CNPY2: variants seen among roughly 807,000 people sequenced by gnomAD.
CNPY2 encodes canopy FGF signaling regulator 2, also known as protein canopy homolog 2.
In CNPY2, 19 loss-of-function variants were observed where a neutral mutation model predicts 25.5. That is an observed-to-expected ratio of 0.74 (90% CI 0.52 to 1.09). The LOEUF is 1.09. CNPY2 is among the 50% of genes least tolerant of loss of function. CNPY2 has a pLI of 0.00. For synonymous variants in CNPY2, 82 were observed against 85.0 expected, an observed-to-expected ratio of 0.96 and a Z score of 0.19; for missense variants, 214 against 233.6, an observed-to-expected ratio of 0.92 and a Z score of 0.55.
At chr12:56,314,823 CTTTG>C (rs1489606295) in intron 3 of CNPY2, 24 bp downstream of exon 3, 7 of 1,614,108 alleles carry the variant, frequency 4.3e-6, no homozygotes, top group Non-Finnish European at 5.9e-6. Context: ...GAGTGAGCTA[CTTTG>C]TTTGGGGGAA....
In CNPY2 at chr12:56,314,897, A is replaced by T; in HGVS notation, c.158T>A (p.Met53Lys). ...ATCTGGATTGATCCGGAAAGATCCC[A>T]TCTGAATGGTCTTCTTGGGGTCCAC... ...AQVDPKKTIQ[M>K]GSFRINPDGS... Residue 53 changes from methionine (M) to lysine (K), a missense_variant, in exon 3 of 6, where the codon ATG becomes AAG. By Grantham distance (95) the Met-to-Lys change is moderately conservative (BLOSUM62 -1). Coordinates refer to ENST00000273308, the MANE Select transcript of CNPY2 (RefSeq NM_014255.7). The T allele has an allele frequency of 2.5e-6, 4 of 1,614,240 alleles. No homozygotes were observed. The highest frequency in any genetic ancestry group is 3.4e-6 in the Non-Finnish European group (4 of 1,180,040).
chr12:56,310,569 A>G lies in CNPY2; in HGVS notation c.532T>C (p.Ser178Pro), dbSNP rs774093448. 8.7e-6 allele frequency: 14 copies of G among 1,614,226 alleles called. No individual in the cohort carries two copies. In the East Asian group the frequency reaches 1.8e-4, roughly 21 times the overall value. ...TDLCDHALHI[S>P]HDEL The stretch of plus-strand genomic sequence containing the variant: ...CCAGTGGTTCATAGCTCATCATGCG[A>G]TATGTGCAGGGCATGGTCACAAAGA... The change falls in exon 6 of 6, where the codon TCG becomes CCG. Residue 178 changes from serine (S) to proline (P), a missense_variant. Ser to Pro is a moderately conservative substitution (Grantham distance 74, BLOSUM62 -1). Transcript: ENST00000273308.
intron 3 of CNPY2, among the ~76,000 whole-genome samples, chr12:56,313,367 G>T (rs902014739): frequency 4.6e-5 from 7 of 151,890 alleles, no homozygotes; most frequent in Non-Finnish European, 1.0e-4. Context: ...GTGCATGCCT[G>T]TAATCCCAGC....
chr12:56,314,179 G>T lies in CNPY2; in HGVS notation c.204+672C>A, dbSNP rs530385851. On this transcript the variant is annotated intron_variant, in intron 3 of 5. Coordinates refer to ENST00000273308, the MANE Select transcript of CNPY2 (RefSeq NM_014255.7). ...TGGCCTCCCAAAGTGCTGGGTTTTG[G>T]TTTTTTTTTGAGACAGGGTCTTGCT... 3.2e-3 allele frequency among the ~76,000 whole-genome samples: 479 copies of T among 150,436 alleles called. 1 individual carries two copies. The highest frequency in any genetic ancestry group is 4.5e-3 in the Non-Finnish European group (304 of 67,410).
rs1363961259 is a variant in CNPY2, at chr12:56,311,010, G to T, written c.453C>A (p.Phe151Leu). 1.9e-6 allele frequency: 3 copies of T among 1,614,082 alleles called. No homozygotes were observed. Among genetic ancestry groups the T allele is most frequent in the Admixed American group, 1.7e-5 (1 of 59,996 alleles). The change falls in exon 5 of 6, where the codon TTC becomes TTA. Residue 151 changes from phenylalanine (F) to leucine (L), a missense_variant. Physicochemically the swap from Phe to Leu is conservative, Grantham distance 22 (BLOSUM62 0). Coordinates refer to ENST00000273308, the MANE Select transcript of CNPY2 (RefSeq NM_014255.7). ...TAACATTGTCAGCCTCTCGGGAAAA[G>T]AATTCAATGAGTTCATCCTCGTATT... ...VEEYEDELIE[F>L]FSREADNVKD...
chr12:56,313,707 G>A (rs1168341631), intron 3 of CNPY2, among the ~76,000 whole-genome samples: 3 of 150,450 alleles, frequency 2.0e-5, no homozygotes, highest in African/African-American at 2.4e-5. Context: ...CCGAGTTCAC[G>A]CCATTCTTTT....
intron 2 of CNPY2, 40 bp downstream of exon 2, chr12:56,315,090 G>A: frequency 6.2e-7 from 1 of 1,605,268 alleles, no homozygotes; most frequent in Non-Finnish European, 8.5e-7. Flanking sequence ...CCCTCCCAAG[G>A]CTCTGCTTCC....
Position 56,311,280 on chromosome 12 carries a change from T to C in CNPY2, c.339A>G (p.Gly113=). ...KNYVRVVGRN[G]ESSELDLQGI... is the part of the protein sequence containing the mutation. ...CTTGTAGGTCCAGTTCACTGGATTC[T>C]CCATTCCGGCCCACTACACGTACGT... Residue 113 remains glycine (G), a synonymous_variant, in exon 4 of 6, where the codon GGA becomes GGG. Coordinates refer to ENST00000273308, the MANE Select transcript of CNPY2 (RefSeq NM_014255.7). 1.9e-6 allele frequency: 3 copies of C among 1,614,180 alleles called. No individual in the cohort carries two copies. The highest frequency in any genetic ancestry group is 2.5e-6 in the Non-Finnish European group (3 of 1,180,036).
Position 56,310,583 on chromosome 12 carries a change from T to C in CNPY2, c.518A>G (p.His173Arg). The C allele has an allele frequency of 6.2e-7, 1 of 1,614,230 alleles. No individual in the cohort carries two copies. The highest frequency in any genetic ancestry group is 8.5e-7 in the Non-Finnish European group (1 of 1,180,046). Residue 173 changes from histidine (H) to arginine (R), a missense_variant, in exon 6 of 6, where the codon CAT (histidine) becomes CGT (arginine). Physicochemically the swap from His to Arg is conservative, Grantham distance 29. Coordinates refer to ENST00000273308, the MANE Select transcript of CNPY2 (RefSeq NM_014255.7). The stretch of plus-strand genomic sequence containing the variant: ...CTCATCATGCGATATGTGCAGGGCA[T>C]GGTCACAAAGATCTGCAAATGGCAA... ...LCSKRTDLCD[H>R]ALHISHDEL is the part of the protein sequence containing the mutation.
intron 1 of CNPY2, 95 bp from the exon 2 acceptor site, chr12:56,315,337 A>C (rs1387813877): frequency 2.9e-6 from 2 of 680,664 alleles, no homozygotes; most frequent in Non-Finnish European, 2.5e-6. Context: ...CAAAGGCCTC[A>C]TTGTGACTCT....
rs776150200 is a variant in CNPY2 at position 56,314,908 on chromosome 12, C to A, written c.147G>T (p.Lys49Asn). ...TCCGGAAAGATCCCATCTGAATGGT[C>A]TTCTTGGGGTCCACCTGGGCAATTT... is the stretch of plus-strand genomic sequence containing the variant. ...EWEIAQVDPKKTIQMGSFRIN... is the reference protein window; with the variant it reads ...EWEIAQVDPKNTIQMGSFRIN... The change falls in exon 3 of 6, where the codon AAG becomes AAT. Residue 49 changes from lysine to asparagine, a missense_variant. Lys to Asn is a moderately conservative substitution (Grantham distance 94, BLOSUM62 0). Coordinates refer to ENST00000273308, the MANE Select transcript of CNPY2 (RefSeq NM_014255.7). 1.2e-6 allele frequency: 2 copies of A among 1,614,204 alleles called. No individual in the cohort carries two copies. Among genetic ancestry groups the A allele is most frequent in the Non-Finnish European group, 1.7e-6 (2 of 1,180,042 alleles).
intron 3 of CNPY2, among the ~76,000 whole-genome samples, chr12:56,313,289 G>A (rs918801979): frequency 1.3e-5 from 2 of 152,018 alleles, no homozygotes; most frequent in Non-Finnish European, 2.9e-5. Flanking sequence ...TCAGGAGTTC[G>A]AGACCATCCT....
chr12:56,313,950 G>A (rs962030515), intron 3 of CNPY2, among the ~76,000 whole-genome samples: 1 of 149,794 alleles, frequency 6.7e-6, no homozygotes, highest in African/African-American at 2.5e-5. Flanking sequence ...CAACCAGACT[G>A]GAGTGCAGTG....
chr12:56,313,168 T>TCCCCTCC (rs1873772028), intron 3 of CNPY2, among the ~76,000 whole-genome samples: 1 of 152,040 alleles, frequency 6.6e-6, no homozygotes, highest in Non-Finnish European at 1.5e-5. Flanking sequence ...TGTGTGACGT[T>TCCCCTCC]CCCCTCCCTG....
At chr12:56,315,105 C>T (rs748413478) in intron 2 of CNPY2, 25 bp downstream of exon 2, 1 of 1,612,232 alleles carries the variant, frequency 6.2e-7, no homozygotes, top group Non-Finnish European at 8.5e-7. Flanking sequence ...GCTTCCTCCA[C>T]TTCTTTTTCC....
intron 3 of CNPY2, 63 bp from the exon 4 acceptor site, chr12:56,311,477 T>C (rs1207261601): frequency 6.8e-7 from 1 of 1,475,000 alleles, no homozygotes; most frequent in African/African-American, 1.4e-5. Flanking sequence ...ATTTATATCC[T>C]TACTTTTCTT....
rs959465460 is a variant in CNPY2, at chr12:56,315,249, T to A, written c.-25-7A>T. ...CGTAATGGGGTCGCTCCACCTGGGT[T>A]TGAGTGGGAATAAAACATAAGTGTG... On this transcript the variant is annotated splice_region_variant and splice_polypyrimidine_tract_variant and intron_variant, in intron 1 of 5. Coordinates refer to ENST00000273308, the MANE Select transcript of CNPY2 (RefSeq NM_014255.7). 9.7e-6 allele frequency: 15 copies of A among 1,554,232 alleles called. No homozygotes were observed. Among genetic ancestry groups the A allele is most frequent in the African/African-American group, 1.4e-5 (1 of 73,402 alleles).
At chr12:56,313,923 CAGAG>C (rs1266103237) in intron 3 of CNPY2, among the ~76,000 whole-genome samples, 95 of 146,484 alleles carry the variant, frequency 6.5e-4, no homozygotes, top group African/African-American at 2.2e-3. Context: ...TTTTTCAAGA[CAGAG>C]TTTTGTTCTT....
rs745964173 is a variant in CNPY2 at position 56,309,979 on chromosome 12, T to A, written c.*573A>T. The A allele has an allele frequency of 6.0e-5, 42 of 702,284 alleles. No homozygotes were observed. In the South Asian group the frequency reaches 6.2e-4, roughly 10 times the overall value. 43.5% of individuals were successfully genotyped at this position (702,284 alleles called of 1,614,324 possible). ...TAAAGCCCTTACTTTTCAGCTGAGT[T>A]GGTCACATCCATTTTCCCCTTCCTG... On this transcript the variant is annotated 3_prime_UTR_variant, in exon 6 of 6. Transcript: ENST00000273308.
Sources: gnomAD v4.1 joint callset for allele counts (sites outside exome capture counted in the v4.1 genomes callset) on GRCh38, gnomAD v4.1.1 for gene constraint, MANE v1.5 for transcripts, NCBI Gene and HGNC (gene_info 2026-07-23, HGNC 2026-07-21) for gene names.